DAB1: variants seen among roughly 807,000 people sequenced by gnomAD.
DAB1 encodes the protein disabled homolog 1.
In DAB1, 15 loss-of-function variants were observed where a neutral mutation model predicts 64.6. The observed-to-expected ratio is 0.23, with a 90% CI of 0.16 to 0.36. The LOEUF is 0.36. Ranked by LOEUF, DAB1 falls within the 10% of genes least tolerant of loss-of-function variation. The pLI, the probability that DAB1 is intolerant of heterozygous loss-of-function variation, is 1.00. For missense variants in DAB1, 596 were observed against 706.7 expected (o/e 0.84, Z 1.78); for synonymous variants, 235 against 251.9 (o/e 0.93, Z 0.64).
At chr1:57,521,263 AG>A (rs1436823475) in intron 7 of DAB1, among the ~76,000 whole-genome samples, 3 of 152,204 alleles carry the variant, frequency 2.0e-5, no homozygotes, top group Non-Finnish European at 4.4e-5. Flanking sequence ...ATAAGTCAGT[AG>A]TGACTGGGGA....
At chr1:57,941,264 T>C (rs1230933016) in intron 5 of DAB1, among the ~76,000 whole-genome samples, 1 of 152,234 alleles carries the variant, frequency 6.6e-6, no homozygotes, top group Non-Finnish European at 1.5e-5. Flanking sequence ...CCATAGTTTA[T>C]AAGGTGCTTT....
chr1:57,521,249 C>T (rs1644522669), intron 7 of DAB1, among the ~76,000 whole-genome samples: 2 of 152,122 alleles, frequency 1.3e-5, no homozygotes, highest in East Asian at 1.9e-4. Flanking sequence ...TTAACTGGCT[C>T]AGCATAAGTC....
intron 7 of DAB1, among the ~76,000 whole-genome samples, chr1:57,606,600 T>A (rs1285496263): frequency 1.7e-4 from 18 of 107,580 alleles, no homozygotes; most frequent in Non-Finnish European, 2.3e-4. Context: ...TATTATATAT[T>A]ATATATATGA....
At chr1:58,195,581 G>C (rs1239920228) in intron 4 of DAB1, among the ~76,000 whole-genome samples, 1 of 152,198 alleles carries the variant, frequency 6.6e-6, no homozygotes, top group Non-Finnish European at 1.5e-5. Context: ...CCCTAAAATA[G>C]AGGTAATTTG....
At chr1:58,056,177 T>G in intron 5 of DAB1, 7 of 1,539,604 alleles carry the variant, frequency 4.5e-6, no homozygotes, top group Non-Finnish European at 6.2e-6. Flanking sequence ...CCCGCAGGTC[T>G]AAATCGGGAT....
At chr1:57,252,067 G>C (rs976631570) in intron 2 of DAB1, among the ~76,000 whole-genome samples, 5 of 152,326 alleles carry the variant, frequency 3.3e-5, no homozygotes, top group African/African-American at 9.6e-5. Context: ...CCCAATATTA[G>C]TGAATCGAAG....
intron 5 of DAB1, among the ~76,000 whole-genome samples, chr1:57,950,393 C>T (rs1645254451): frequency 6.6e-6 from 1 of 152,148 alleles, no homozygotes; most frequent in African/African-American, 2.4e-5. Flanking sequence ...CATCACACAC[C>T]TTATATTTCA....
At chr1:57,187,215 C>G (rs1324219273) in intron 2 of DAB1, among the ~76,000 whole-genome samples, 2 of 152,048 alleles carry the variant, frequency 1.3e-5, no homozygotes, top group Non-Finnish European at 2.9e-5. Flanking sequence ...TTCCTTTGAC[C>G]ACTAGGAAGC....
intron 4 of DAB1, among the ~76,000 whole-genome samples, chr1:58,203,116 G>T (rs955338230): frequency 1.3e-5 from 2 of 152,174 alleles, no homozygotes; most frequent in African/African-American, 4.8e-5. Flanking sequence ...CAGAAAAAGG[G>T]GTAAGGGGAA....
At chr1:57,544,232 T>C (rs1470439760) in intron 7 of DAB1, among the ~76,000 whole-genome samples, 1 of 152,262 alleles carries the variant, frequency 6.6e-6, no homozygotes, top group Non-Finnish European at 1.5e-5. Context: ...GGCTAGTCAC[T>C]GGCCGTAAGA....
chr1:57,511,566 C>G (rs140380493), intron 7 of DAB1, among the ~76,000 whole-genome samples: 2 of 152,104 alleles, frequency 1.3e-5, no homozygotes, highest in Non-Finnish European at 2.9e-5. Context: ...TAATTGCAAC[C>G]AATTTTCTTT....
intron 4 of DAB1, among the ~76,000 whole-genome samples, chr1:58,327,430 C>T (rs1270413873): frequency 1.3e-5 from 2 of 152,182 alleles, no homozygotes; most frequent in Admixed American, 6.5e-5. Context: ...CCTACTCTTT[C>T]CCAGCAGTGT....
chr1:57,667,725 A>G (rs1252811192), intron 6 of DAB1, among the ~76,000 whole-genome samples: 1 of 152,106 alleles, frequency 6.6e-6, no homozygotes, highest in East Asian at 1.9e-4. Flanking sequence ...TGTCCTTTGC[A>G]AGGACATGGA....
At chr1:57,042,159 G>A (rs551130931) in intron 9 of DAB1, among the ~76,000 whole-genome samples, 1 of 152,118 alleles carries the variant, frequency 6.6e-6, no homozygotes, top group Non-Finnish European at 1.5e-5. Context: ...GAGCTCTGAG[G>A]ATCGAATGAG....
At chr1:57,762,657 A>T (rs1033489504) in intron 6 of DAB1, among the ~76,000 whole-genome samples, 2 of 152,152 alleles carry the variant, frequency 1.3e-5, no homozygotes, top group African/African-American at 4.8e-5. Flanking sequence ...GCCCATTTTT[A>T]TTTTATTTCA....
chr1:57,321,140 C>T (rs184804561), intron 1 of DAB1, among the ~76,000 whole-genome samples: 56 of 152,304 alleles, frequency 3.7e-4, no homozygotes, highest in African/African-American at 1.3e-3. Context: ...GGCAGAGGCT[C>T]TCCCTTTGGC....
intron 4 of DAB1, among the ~76,000 whole-genome samples, chr1:57,128,544 T>A (rs1170328429): frequency 6.6e-5 from 10 of 152,184 alleles, no homozygotes; most frequent in Admixed American, 1.3e-4. Flanking sequence ...ACTTAAACTC[T>A]GTATAACACT....
intron 4 of DAB1, among the ~76,000 whole-genome samples, chr1:58,184,289 T>C (rs1273848910): frequency 6.7e-6 from 1 of 148,438 alleles, no homozygotes; most frequent in East Asian, 1.9e-4. Flanking sequence ...TAACATATGA[T>C]ATATAACATA....
rs967246082 is a variant in DAB1, at chr1:58,337,011, G to A, written n.309+6341C>T. On this transcript the variant is annotated intron_variant and non_coding_transcript_variant, in intron 4 of 20. Coordinates refer to the DAB1 transcript ENST00000485760. The stretch of plus-strand genomic sequence containing the variant: ...GGTGGCTCAAGCAAAGGCCGGGTGC[G>A]GTGGCTCACACCTGTAATCCCAGCA... 2.6e-5 allele frequency among the ~76,000 whole-genome samples: 4 copies of A among 152,020 alleles called. No individual in the cohort carries two copies. In the South Asian group the frequency reaches 6.2e-4, roughly 24 times the overall value.
Sources: gnomAD v4.1 joint callset for allele counts (sites outside exome capture counted in the v4.1 genomes callset) on GRCh38, gnomAD v4.1.1 for gene constraint, MANE v1.5 for transcripts, NCBI Gene and HGNC (gene_info 2026-07-23, HGNC 2026-07-21) for gene names.